Variants in CNTNAP5 observed in about 807,000 individuals in gnomAD.
CNTNAP5 encodes the protein contactin associated protein family member 5.
Under a neutral mutation model 150.2 loss-of-function variants are expected in CNTNAP5, and 72 were observed. The observed-to-expected ratio is 0.48, with a 90% CI of 0.40 to 0.58. The LOEUF (loss-of-function observed/expected upper bound fraction) is 0.58. CNTNAP5 is among the 20% of genes least tolerant of loss of function. The pLI is 0.00. For missense variants in CNTNAP5, 1,636 were observed against 1,626.2 expected, an observed-to-expected ratio of 1.01 and a Z score of -0.10; for synonymous variants, 672 against 619.8, an observed-to-expected ratio of 1.08 and a Z score of -1.25.
rs766135426 is a variant in CNTNAP5, at chr2:124,772,965, G to A, written c.2700G>A (p.Glu900=). ...QVDNLPRSTR[E]TSEEGHFRLQ... is the part of the protein sequence containing the mutation. The stretch of plus-strand genomic sequence containing the variant: ...ACAACCTTCCAAGGAGCACCAGGGA[G>A]ACGTCGGAGGAGGGCCATTTTCGAC... Residue 900 remains glutamate (E), a synonymous_variant, in exon 17 of 24, where the codon GAG becomes GAA. Coordinates refer to ENST00000682447, the MANE Select transcript of CNTNAP5 (RefSeq NM_001367498.1). 1 of 1,613,692 alleles carries A rather than the reference G, an allele frequency of 6.2e-7. No homozygotes were observed.
chr2:124,879,731 A>G (rs1677929555), intron 21 of CNTNAP5, among the ~76,000 whole-genome samples: 1 of 152,168 alleles, frequency 6.6e-6, no homozygotes, highest in African/African-American at 2.4e-5. Flanking sequence ...TAATAAGATC[A>G]TACAACCATG....
intron 2 of CNTNAP5, among the ~76,000 whole-genome samples, chr2:124,235,672 T>A (rs1420028066): frequency 2.0e-5 from 3 of 152,098 alleles, no homozygotes; most frequent in Admixed American, 6.5e-5. Flanking sequence ...TGCATTCAAA[T>A]CCTTGTTTTG....
At chr2:124,837,643 G>A (rs1331295748) in intron 19 of CNTNAP5, among the ~76,000 whole-genome samples, 1 of 151,960 alleles carries the variant, frequency 6.6e-6, no homozygotes, top group African/African-American at 2.4e-5. Flanking sequence ...AATTATCATC[G>A]AGCAAAAGTG....
chr2:124,227,557 T>C (rs990704141), intron 2 of CNTNAP5, among the ~76,000 whole-genome samples: 4 of 152,200 alleles, frequency 2.6e-5, no homozygotes, highest in African/African-American at 9.6e-5. Flanking sequence ...CAAAGTATAA[T>C]TTTCAATAAG....
intron 1 of CNTNAP5, among the ~76,000 whole-genome samples, chr2:124,217,422 G>A (rs1444819068): frequency 6.6e-6 from 1 of 152,272 alleles, no homozygotes; most frequent in East Asian, 1.9e-4. Context: ...GCACAGGTTT[G>A]CTTATTGAAG....
intron 1 of CNTNAP5, among the ~76,000 whole-genome samples, chr2:124,193,380 G>T (rs1395204675): frequency 6.6e-6 from 1 of 152,156 alleles, no homozygotes; most frequent in Non-Finnish European, 1.5e-5. Flanking sequence ...CACTAGCTAA[G>T]AATTAGTATT....
rs145559057 is a variant in CNTNAP5 at position 124,292,831 on chromosome 2, T to G, written c.381+50438T>G. On this transcript the variant is annotated intron_variant, in intron 3 of 23. Coordinates refer to ENST00000682447, the MANE Select transcript of CNTNAP5 (RefSeq NM_001367498.1). ...TCTAAAGACAGAATAAATAATATCG[T>G]GGTCTACAAAGAAGCCGCAGGTAGT... Among the ~76,000 whole-genome samples, 149 of 152,180 alleles carry G rather than the reference T, an allele frequency of 9.8e-4. 1 individual carries two copies. The highest frequency in any genetic ancestry group is 3.4e-3 in the African/African-American group (143 of 41,564).
chr2:124,471,430 T>G (rs1693512482), intron 6 of CNTNAP5, among the ~76,000 whole-genome samples: 1 of 152,244 alleles, frequency 6.6e-6, no homozygotes, highest in Admixed American at 6.5e-5. Flanking sequence ...TATGAGACTT[T>G]GCTGAAGTTG....
intron 3 of CNTNAP5, among the ~76,000 whole-genome samples, chr2:124,402,392 A>G (rs1246712056): frequency 6.6e-6 from 1 of 152,200 alleles, no homozygotes; most frequent in Non-Finnish European, 1.5e-5. Flanking sequence ...CACAACTCCA[A>G]CAGAGTAAGA....
At chr2:124,374,097 TAA>T (rs1690592142) in intron 3 of CNTNAP5, among the ~76,000 whole-genome samples, 1 of 152,078 alleles carries the variant, frequency 6.6e-6, no homozygotes, top group Non-Finnish European at 1.5e-5. Context: ...TACTTTGTAA[TAA>T]AGAGACTGGT....
intron 16 of CNTNAP5, among the ~76,000 whole-genome samples, chr2:124,768,736 G>A (rs1444860400): frequency 2.0e-5 from 3 of 151,956 alleles, no homozygotes; most frequent in East Asian, 1.9e-4. Context: ...CAGCAACCCC[G>A]ACTCTGCTTT....
At chr2:124,763,504 T>G (rs1049503914) in intron 14 of CNTNAP5, among the ~76,000 whole-genome samples, 168 bp from the exon 15 acceptor site, 2 of 152,124 alleles carry the variant, frequency 1.3e-5, no homozygotes, top group Non-Finnish European at 2.9e-5. Flanking sequence ...TAATTAACAT[T>G]CCTTCCCTTC....
chr2:124,735,184 A>G (rs938480180), intron 13 of CNTNAP5, among the ~76,000 whole-genome samples: 16 of 152,152 alleles, frequency 1.1e-4, no homozygotes, highest in African/African-American at 3.1e-4. Context: ...GCCCATCCAA[A>G]AAACAAACAA....
chr2:124,818,350 G>C (rs542946165), intron 19 of CNTNAP5, among the ~76,000 whole-genome samples: 17 of 152,054 alleles, frequency 1.1e-4, no homozygotes, highest in African/African-American at 4.1e-4. Context: ...AGAGACCCCC[G>C]CCTTTACAAA....
intron 13 of CNTNAP5, among the ~76,000 whole-genome samples, chr2:124,737,226 G>T (rs1680401825): frequency 1.3e-5 from 2 of 151,796 alleles, no homozygotes; most frequent in South Asian, 4.2e-4. Context: ...GGGAGGCGGA[G>T]GTTGCAGTGA....
At chr2:124,303,170 C>A (rs955799376) in intron 3 of CNTNAP5, among the ~76,000 whole-genome samples, 2 of 151,908 alleles carry the variant, frequency 1.3e-5, no homozygotes, top group East Asian at 3.9e-4. Flanking sequence ...CTATTTTTTT[C>A]ATTTTTTCTA....
intron 13 of CNTNAP5, among the ~76,000 whole-genome samples, chr2:124,722,168 A>G (rs909958097): frequency 1.3e-5 from 2 of 152,110 alleles, no homozygotes; most frequent in Non-Finnish European, 2.9e-5. Flanking sequence ...TCAGTTCATA[A>G]CATTCTGCTC....
chr2:124,889,592 CT>C (rs1403242000), intron 21 of CNTNAP5, among the ~76,000 whole-genome samples: 1 of 151,910 alleles, frequency 6.6e-6, no homozygotes, highest in Non-Finnish European at 1.5e-5. Flanking sequence ...AAATTTTATG[CT>C]TTTGATTTTA....
At chr2:124,900,767 T>C (rs1031699304) in intron 21 of CNTNAP5, among the ~76,000 whole-genome samples, 1 of 151,574 alleles carries the variant, frequency 6.6e-6, no homozygotes, top group African/African-American at 2.4e-5. Flanking sequence ...ATTTTCCATG[T>C]TCTGAAATCC....
Sources: gnomAD v4.1 joint callset for allele counts (sites outside exome capture counted in the v4.1 genomes callset) on GRCh38, gnomAD v4.1.1 for gene constraint, MANE v1.5 for transcripts, NCBI Gene and HGNC (gene_info 2026-07-23, HGNC 2026-07-21) for gene names.